ARHGAP15: variants seen among roughly 807,000 people sequenced by gnomAD.
ARHGAP15 encodes Rho GTPase activating protein 15.
Under a neutral mutation model 63.7 loss-of-function variants are expected in ARHGAP15, and 51 were observed. The observed-to-expected ratio is 0.80, with a 90% CI of 0.64 to 1.01. ARHGAP15 has a LOEUF of 1.01. Among genes scored for constraint, ARHGAP15 ranks in the 50% least tolerant of loss-of-function variants. ARHGAP15 has a pLI of 0.00. For synonymous variants in ARHGAP15, 191 were observed against 193.8 expected (o/e 0.99, Z 0.12); for missense variants, 560 against 564.6 (o/e 0.99, Z 0.08).
At chr2:143,701,592 A>T (rs1209746511) in intron 12 of ARHGAP15, among the ~76,000 whole-genome samples, 1 of 152,116 alleles carries the variant, frequency 6.6e-6, no homozygotes, top group Non-Finnish European at 1.5e-5. Context: ...TGAGCTGGGC[A>T]TGGTGGCATG....
At chr2:143,232,125 A>G (rs1693470093) in intron 5 of ARHGAP15, among the ~76,000 whole-genome samples, 1 of 152,214 alleles carries the variant, frequency 6.6e-6, no homozygotes, top group South Asian at 2.1e-4. Flanking sequence ...ATAGAGATTC[A>G]TAGGTACCTC....
intron 6 of ARHGAP15, among the ~76,000 whole-genome samples, chr2:143,311,104 T>C (rs1188792635): frequency 6.6e-6 from 1 of 152,012 alleles, no homozygotes; most frequent in Non-Finnish European, 1.5e-5. Flanking sequence ...TTTGGTACAT[T>C]TACTGTAACC....
intron 6 of ARHGAP15, among the ~76,000 whole-genome samples, chr2:143,300,626 T>C (rs370812240): frequency 1.2e-3 from 177 of 152,206 alleles, no homozygotes; most frequent in African/African-American, 4.1e-3. Flanking sequence ...TCTGTGGCTA[T>C]GCTTCCTCCT....
intron 2 of ARHGAP15, among the ~76,000 whole-genome samples, chr2:143,159,993 G>A (rs199746907): frequency 9.2e-5 from 14 of 151,924 alleles, no homozygotes; most frequent in East Asian, 5.8e-4. Flanking sequence ...TTATTTTCTC[G>A]TAGCGAGTGG....
chr2:143,439,419 T>A (rs1306940690), intron 8 of ARHGAP15, among the ~76,000 whole-genome samples: 1 of 6,980 alleles, frequency 1.4e-4, no homozygotes, highest in Non-Finnish European at 3.1e-4. Context: ...CAAGACTCTG[T>A]CTCAAAAAAA....
At chr2:143,655,807 T>A (rs956888689) in intron 12 of ARHGAP15, among the ~76,000 whole-genome samples, 12 of 152,176 alleles carry the variant, frequency 7.9e-5, no homozygotes, top group Admixed American at 2.6e-4. Context: ...CTCACCAAGG[T>A]TGCCCCACCT....
intron 13 of ARHGAP15, among the ~76,000 whole-genome samples, chr2:143,728,543 A>G: frequency 6.6e-6 from 1 of 152,190 alleles, no homozygotes; most frequent in East Asian, 1.9e-4. Flanking sequence ...TAAAACCTAA[A>G]TTAATATTTG....
chr2:143,556,897 GA>G (rs1209474803), intron 11 of ARHGAP15, among the ~76,000 whole-genome samples: 1 of 151,992 alleles, frequency 6.6e-6, no homozygotes, highest in East Asian at 1.9e-4. Context: ...TAGTAGGTAA[GA>G]AAAAAATTAG....
intron 6 of ARHGAP15, among the ~76,000 whole-genome samples, chr2:143,342,546 T>C (rs1218958458): frequency 6.6e-6 from 1 of 152,114 alleles, no homozygotes; most frequent in African/African-American, 2.4e-5. Flanking sequence ...ATTGTATAAG[T>C]AATTGCATTT....
chr2:143,625,924 C>T (rs1482307954), intron 12 of ARHGAP15, among the ~76,000 whole-genome samples: 1 of 152,172 alleles, frequency 6.6e-6, no homozygotes, highest in Non-Finnish European at 1.5e-5. Context: ...TTTAAGCTTC[C>T]TTTAGTTCAC....
chr2:143,220,154 A>T (rs983100976), intron 4 of ARHGAP15, among the ~76,000 whole-genome samples: 5 of 152,008 alleles, frequency 3.3e-5, no homozygotes, highest in Non-Finnish European at 7.4e-5. Flanking sequence ...TTTTATATTT[A>T]TATTAAATTA....
intron 6 of ARHGAP15, among the ~76,000 whole-genome samples, chr2:143,323,153 G>A (rs1032243388): frequency 3.3e-5 from 5 of 152,140 alleles, no homozygotes; most frequent in African/African-American, 4.8e-5. Flanking sequence ...GATAAGCTAC[G>A]TTTATGTTAT....
chr2:143,731,578 T>C (rs1685539382), intron 13 of ARHGAP15, among the ~76,000 whole-genome samples: 1 of 152,212 alleles, frequency 6.6e-6, no homozygotes, highest in Non-Finnish European at 1.5e-5. Flanking sequence ...AGGACCTGGC[T>C]CAATATCCTG....
At chr2:143,507,202 T>A (rs989578931) in intron 9 of ARHGAP15, among the ~76,000 whole-genome samples, 15 of 152,300 alleles carry the variant, frequency 9.8e-5, no homozygotes, top group African/African-American at 3.1e-4. Context: ...CCCTTTCTTC[T>A]TCATTCTCAA....
intron 5 of ARHGAP15, among the ~76,000 whole-genome samples, chr2:143,250,070 G>GT (rs1232708150): frequency 6.6e-6 from 1 of 151,092 alleles, no homozygotes; most frequent in Non-Finnish European, 1.5e-5. Context: ...CTAAAACTCT[G>GT]TAACAGTTTT....
chr2:143,668,440 A>G (rs1347475931), intron 12 of ARHGAP15, among the ~76,000 whole-genome samples: 1 of 152,184 alleles, frequency 6.6e-6, no homozygotes, highest in African/African-American at 2.4e-5. Context: ...CTATTCAAAG[A>G]TGACATCGTC....
intron 6 of ARHGAP15, among the ~76,000 whole-genome samples, chr2:143,363,818 C>T (rs1229461000): frequency 3.3e-5 from 5 of 152,182 alleles, no homozygotes; most frequent in African/African-American, 1.2e-4. Context: ...TGCCTGTCTT[C>T]TTCACTGCAG....
chr2:143,342,478 G>A (rs989377104), intron 6 of ARHGAP15, among the ~76,000 whole-genome samples: 2 of 152,036 alleles, frequency 1.3e-5, no homozygotes, highest in African/African-American at 2.4e-5. Flanking sequence ...CCTGTATGGC[G>A]ATAGAGTAAT....
intron 3 of ARHGAP15, among the ~76,000 whole-genome samples, chr2:143,202,754 A>G (rs1475254556): frequency 1.4e-5 from 1 of 71,498 alleles, no homozygotes; most frequent in Non-Finnish European, 2.8e-5. Context: ...CTTATTGTAA[A>G]TGTTGATAGT....
Sources: allele counts gnomAD v4.1 joint callset (sites outside exome capture counted in the v4.1 genomes callset), GRCh38; gene constraint gnomAD v4.1.1; transcripts MANE v1.5; gene names NCBI Gene and HGNC (gene_info 2026-07-23, HGNC 2026-07-21).